ADAMTSL2: variants seen among roughly 807,000 people sequenced by gnomAD.
ADAMTSL2 encodes the protein ADAMTS like 2.
Under a neutral mutation model 117.0 loss-of-function variants are expected in ADAMTSL2, and 55 were observed. The ratio of observed to expected loss-of-function variants is 0.47; its 90% confidence interval spans 0.38 to 0.59. The LOEUF (loss-of-function observed/expected upper bound fraction) is 0.59. ADAMTSL2 is among the 20% of genes least tolerant of loss of function. The pLI is 0.00. For synonymous variants in ADAMTSL2, 572 were observed against 566.4 expected (o/e 1.01, Z -0.14); for missense variants, 1,182 against 1,354.5 (o/e 0.87, Z 2.00).
chr9:133,537,102 G>T (rs1483322738), intron 2 of ADAMTSL2, among the ~76,000 whole-genome samples: 1 of 152,212 alleles, frequency 6.6e-6, no homozygotes, highest in African/African-American at 2.4e-5. Flanking sequence ...ACGCAGTTGG[G>T]CCCTGAGCTG....
chr9:133,572,621 C>T (rs1038608873), intron 17 of ADAMTSL2, among the ~76,000 whole-genome samples: 11 of 152,194 alleles, frequency 7.2e-5, no homozygotes, highest in South Asian at 2.1e-4. Context: ...AGCCATGGCA[C>T]GGGGGGAGCC....
chr9:133,558,847 G>A lies in ADAMTSL2; in HGVS notation c.1650-2351G>A, dbSNP rs1830665145. ...CCAAGAACGGAACCTGCTAGGCGTT[G>A]CATTGTTGTGCAAATATATGCAGGG... On this transcript the variant is annotated intron_variant, in intron 11 of 18. Coordinates refer to ENST00000651351, the MANE Select transcript of ADAMTSL2 (RefSeq NM_014694.4). The surrounding 1 kb of genome is among the most constrained non-coding windows in gnomAD (Gnocchi z 4.3). 6.6e-6 allele frequency among the ~76,000 whole-genome samples: 1 copy of A among 152,256 alleles called. No homozygotes were observed. The highest frequency in any genetic ancestry group is 1.5e-5 in the Non-Finnish European group (1 of 68,044).
rs145298642 is a variant in ADAMTSL2, at chr9:133,538,744, C to T, written c.309+320C>T. The stretch of plus-strand genomic sequence containing the variant: ...GCAGCTCCACTTTACTCACAACATT[C>T]GTGCACCTGGTGCTCACAGAGACCC... On this transcript the variant is annotated intron_variant, in intron 4 of 18. Coordinates refer to ENST00000651351, the MANE Select transcript of ADAMTSL2 (RefSeq NM_014694.4). Among the ~76,000 whole-genome samples, 18 of 152,332 alleles carry T rather than the reference C, an allele frequency of 1.2e-4. No homozygotes were observed. The South Asian group carries it at 1.7e-3, about 14-fold the overall frequency.
chr9:133,564,492 GAC>G (rs1381679324), intron 12 of ADAMTSL2, among the ~76,000 whole-genome samples: 4 of 24,092 alleles, frequency 1.7e-4, no homozygotes, highest in Admixed American at 7.1e-4. Flanking sequence ...GAGAGAGGGA[GAC>G]AGAGAGGGAG....
At chr9:133,570,666 C>A (rs1050602923) in intron 17 of ADAMTSL2, among the ~76,000 whole-genome samples, 159 bp downstream of exon 17, 15 of 152,324 alleles carry the variant, frequency 9.8e-5, no homozygotes, top group Admixed American at 3.3e-4. Context: ...AACTCCACCA[C>A]GTCAGCTGGT....
Position 133,570,423 on chromosome 9 carries a change from G to A in ADAMTSL2, c.2508G>A (p.Glu836=). The A allele has an allele frequency of 1.9e-6, 3 of 1,602,880 alleles. No individual in the cohort carries two copies. The highest frequency in any genetic ancestry group is 1.7e-4 in the Middle Eastern group (1 of 6,012). ...AGCCGCAGACGCGCAGTGGCCCCGA[G>A]TGCGGGCTCGCCAAGAAGCCTCCCG... The part of the protein sequence containing the change: ...NGKPQTRSGP[E]CGLAKKPPEE... The change falls in exon 17 of 19, where the codon GAG becomes GAA. Residue 836 remains glutamate, a synonymous_variant. Coordinates refer to ENST00000651351, the MANE Select transcript of ADAMTSL2 (RefSeq NM_014694.4).
At chr9:133,567,900 G>A (rs986561649) in intron 13 of ADAMTSL2, among the ~76,000 whole-genome samples, 19 of 152,330 alleles carry the variant, frequency 1.2e-4, no homozygotes, top group South Asian at 2.1e-4. Flanking sequence ...TCCCCAGCAC[G>A]CTGGCCATGC....
chr9:133,568,770 A>G lies in ADAMTSL2; in HGVS notation c.2244+12A>G, dbSNP rs1831036588. The G allele has an allele frequency of 6.2e-7, 1 of 1,612,858 alleles. No homozygotes were observed. The highest frequency in any genetic ancestry group is 1.3e-5 in the African/African-American group (1 of 75,026). The stretch of plus-strand genomic sequence containing the variant: ...CCGACTGGGGACCGGTGAGGCCTGC[A>G]CTGAGGGGTGGCTGGGCGTGCGGCT... On this transcript the variant is annotated intron_variant, in intron 15 of 18. Transcript: ENST00000651351.
chr9:133,569,374 A>C (rs1588310193), intron 15 of ADAMTSL2, 34 bp from the exon 16 acceptor site: 1 of 1,609,116 alleles, frequency 6.2e-7, no homozygotes, highest in Non-Finnish European at 8.5e-7. Context: ...GCTGCCTCTC[A>C]CTGGATGTCC....
In ADAMTSL2 at chr9:133,536,811, G is replaced by C; in HGVS notation, c.90+9G>C. On this transcript the variant is annotated intron_variant, in intron 2 of 18. Transcript: ENST00000651351. ...TGTCAACCGGGTCCACGGTGAGTGG[G>C]GTGTTGTGGTCTGAGGGCCCATGCC... The C allele has an allele frequency of 7.4e-6, 12 of 1,614,150 alleles. No homozygotes were observed. The highest frequency in any genetic ancestry group is 1.0e-5 in the Non-Finnish European group (12 of 1,180,038).
In ADAMTSL2 at chr9:133,568,599, C is replaced by A. The variant is rs368200205; in HGVS notation, c.2089-4C>A. On this transcript the variant is annotated splice_region_variant and splice_polypyrimidine_tract_variant and intron_variant, in intron 14 of 18. Transcript: ENST00000651351. Reference sequence around the variant, plus strand: ...CCCCCTGCCCCCTCCCCCTGCCGCCCCAGTGCACTGCCAAGTGTGGGGAGC... The same window carrying A: ...CCCCCTGCCCCCTCCCCCTGCCGCCACAGTGCACTGCCAAGTGTGGGGAGC... 2,192 of 1,593,906 alleles carry A rather than the reference C, an allele frequency of 1.4e-3. 25 individuals are homozygous for A. The African/African-American group carries it at 0.026, about 19-fold the overall frequency.
chr9:133,536,334 C>T (rs1303671958), intron 1 of ADAMTSL2, among the ~76,000 whole-genome samples: 3 of 152,248 alleles, frequency 2.0e-5, no homozygotes, highest in Non-Finnish European at 2.9e-5. Flanking sequence ...CCTGGGTCCC[C>T]AGCCCCCTCA....
At chr9:133,572,788 C>T (rs1383429410) in intron 17 of ADAMTSL2, among the ~76,000 whole-genome samples, 6 of 152,176 alleles carry the variant, frequency 3.9e-5, no homozygotes, top group African/African-American at 7.2e-5. Flanking sequence ...GGCTGCCCCC[C>T]GATGCCGGTG....
At chr9:133,565,846 C>G (rs1294774285) in intron 12 of ADAMTSL2, among the ~76,000 whole-genome samples, 1 of 150,802 alleles carries the variant, frequency 6.6e-6, no homozygotes, top group Non-Finnish European at 1.5e-5. Context: ...TGGCCACACA[C>G]ACACACACAC....
At chr9:133,534,638 G>C (rs1048659874), upstream of ADAMTSL2, 3 of 1,305,058 alleles carry the variant, frequency 2.3e-6, no homozygotes, top group Non-Finnish European at 2.9e-6. Flanking sequence ...CGGCCTGGTG[G>C]GAAGTGTGAG....
At chr9:133,540,059 C>T (rs115446209) in intron 5 of ADAMTSL2, among the ~76,000 whole-genome samples, 186 bp downstream of exon 5, 177 of 152,300 alleles carry the variant, frequency 1.2e-3, no homozygotes, top group African/African-American at 4.2e-3. Flanking sequence ...CCCCCATGAC[C>T]CATGACATCA....
At chr9:133,562,386 G>A (rs1232469587) in intron 12 of ADAMTSL2, among the ~76,000 whole-genome samples, 2 of 152,248 alleles carry the variant, frequency 1.3e-5, no homozygotes, top group Admixed American at 6.5e-5. Context: ...TCGCCCCTGC[G>A]CCTGGCATCC....
intron 17 of ADAMTSL2, among the ~76,000 whole-genome samples, chr9:133,571,155 C>T (rs1305741906): frequency 6.6e-6 from 1 of 152,208 alleles, no homozygotes; most frequent in Non-Finnish European, 1.5e-5. Context: ...GTGTGGCAAC[C>T]CTCACCCAGT....
intron 17 of ADAMTSL2, among the ~76,000 whole-genome samples, chr9:133,571,460 C>T (rs761552147): frequency 5.3e-5 from 8 of 152,144 alleles, no homozygotes; most frequent in Non-Finnish European, 8.8e-5. Flanking sequence ...ACTGGGTGCC[C>T]CCTCGCCCCC....
Sources: gnomAD v4.1 joint callset for allele counts (sites outside exome capture counted in the v4.1 genomes callset) on GRCh38, gnomAD v4.1.1 for gene constraint, Gnocchi (gnomAD v3.1) non-coding constraint, MANE v1.5 for transcripts, NCBI Gene and HGNC (gene_info 2026-07-23, HGNC 2026-07-21) for gene names.